The following CADM1 variants were observed in gnomAD, a reference collection of about 807,000 sequenced individuals.
CADM1 encodes TSLC-1.
Under a neutral mutation model 53.1 loss-of-function variants are expected in CADM1, and 15 were observed. The ratio of observed to expected loss-of-function variants is 0.28; its 90% confidence interval spans 0.19 to 0.44. The LOEUF (loss-of-function observed/expected upper bound fraction) is 0.44, where lower values mean the gene tolerates loss of function less well. Among genes scored for constraint, CADM1 ranks in the 20% least tolerant of loss-of-function variants. The pLI is 1.00. For synonymous variants in CADM1, 281 were observed against 243.0 expected, an observed-to-expected ratio of 1.16 and a Z score of -1.45; for missense variants, 434 against 611.3, an observed-to-expected ratio of 0.71 and a Z score of 3.06.
At chr11:115,362,935 A>C (rs181561217) in intron 1 of CADM1, among the ~76,000 whole-genome samples, 1 of 152,186 alleles carries the variant, frequency 6.6e-6, no homozygotes, top group African/African-American at 2.4e-5. Context: ...TTCAATAGTC[A>C]AGCTCCTACT....
intron 1 of CADM1, among the ~76,000 whole-genome samples, chr11:115,271,110 G>T (rs1251426954): frequency 6.6e-6 from 1 of 152,124 alleles, no homozygotes; most frequent in Non-Finnish European, 1.5e-5. Context: ...CACTCTCCTG[G>T]ATTAAACATC....
At chr11:115,485,540 G>A (rs1414125032) in intron 1 of CADM1, among the ~76,000 whole-genome samples, 1 of 152,138 alleles carries the variant, frequency 6.6e-6, no homozygotes, top group Admixed American at 6.5e-5. Context: ...TGAATCATGG[G>A]GGCGGTTTCC....
chr11:115,191,948 A>G lies in CADM1; in HGVS notation c.1112-1007T>C, dbSNP rs150997890. 3.8e-3 allele frequency among the ~76,000 whole-genome samples: 582 copies of G among 152,302 alleles called. 3 individuals are homozygous for G. Among genetic ancestry groups the G allele is most frequent in the African/African-American group, 0.013 (547 of 41,574 alleles). ...TAATAAACTGCAAGGTCTTTGGAGAAGCAAGTTGTGTTTATTTTTGCATCT... is the reference window on the plus strand; with the variant it reads ...TAATAAACTGCAAGGTCTTTGGAGAGGCAAGTTGTGTTTATTTTTGCATCT... On this transcript the variant is annotated intron_variant, in intron 9 of 11. Transcript: ENST00000331581.
rs748514117 is a variant in CADM1 at position 115,231,373 on chromosome 11, T to C, written c.542A>G (p.Lys181Arg). 37 of 1,614,068 alleles carry C rather than the reference T, an allele frequency of 2.3e-5. No homozygotes were observed. The highest frequency in any genetic ancestry group is 3.0e-5 in the Non-Finnish European group (35 of 1,180,006). The change falls in exon 4 of 12, where the codon AAA (lysine) becomes AGA (arginine). Residue 181 changes from lysine to arginine, a missense_variant. Around this residue, in one of 4 missense-constraint regions of CADM1, gnomAD observed 311 missense variants for 435.1 expected, o/e 0.71. Coordinates refer to ENST00000331581, the MANE Select transcript of CADM1 (RefSeq NM_001301043.2). ...CTTACCTTTTAGCTCTGTGTTCCCT[T>C]TGAACCACCTGATAGTCGTGGCTGG... ...SKPATTIRWF[K>R]GNTELKGKSE...
chr11:115,298,891 C>A (rs1484131686), intron 1 of CADM1, among the ~76,000 whole-genome samples: 1 of 152,130 alleles, frequency 6.6e-6, no homozygotes, highest in East Asian at 1.9e-4. Flanking sequence ...GCCCTTTGCA[C>A]CACCACTTGA....
At chr11:115,479,071 G>T (rs553999989) in intron 1 of CADM1, among the ~76,000 whole-genome samples, 39 of 152,164 alleles carry the variant, frequency 2.6e-4, no homozygotes, top group African/African-American at 8.9e-4. Flanking sequence ...TACAATAAAC[G>T]TATAAAAAAT....
intron 1 of CADM1, among the ~76,000 whole-genome samples, chr11:115,486,556 G>A (rs553432316): frequency 7.9e-4 from 120 of 151,942 alleles, no homozygotes; most frequent in Non-Finnish European, 1.0e-3. Flanking sequence ...TGTTGCCCAG[G>A]CTGGTCTCAA....
intron 1 of CADM1, among the ~76,000 whole-genome samples, chr11:115,496,565 TTGAATC>T (rs1298609030): frequency 2.6e-5 from 4 of 152,068 alleles, no homozygotes; most frequent in African/African-American, 9.7e-5. Context: ...AGTGTGGAGT[TTGAATC>T]TGATGCAAGA....
chr11:115,454,652 G>T (rs1405107043), intron 1 of CADM1, among the ~76,000 whole-genome samples: 2 of 152,060 alleles, frequency 1.3e-5, no homozygotes, highest in African/African-American at 4.8e-5. Flanking sequence ...AAACCAAATG[G>T]ACTTAACATA....
intron 1 of CADM1, among the ~76,000 whole-genome samples, chr11:115,357,384 C>T (rs894773959): frequency 6.6e-6 from 1 of 152,084 alleles, no homozygotes; most frequent in Non-Finnish European, 1.5e-5. Context: ...TACTGAAGTT[C>T]CCATTGTGTT....
chr11:115,369,015 GA>G (rs1027035004), intron 1 of CADM1, among the ~76,000 whole-genome samples: 1 of 22,314 alleles, frequency 4.5e-5, no homozygotes, highest in Non-Finnish European at 1.4e-4. Flanking sequence ...CTAGCAGAGT[GA>G]AAAAAAATCT....
chr11:115,208,990 C>T (rs1040044268), intron 8 of CADM1, among the ~76,000 whole-genome samples: 2 of 152,130 alleles, frequency 1.3e-5, no homozygotes, highest in Non-Finnish European at 2.9e-5. Context: ...AATATGTGAC[C>T]GAGGGCAGGG....
chr11:115,244,065 C>T (rs1229407457), intron 1 of CADM1, among the ~76,000 whole-genome samples: 2 of 152,196 alleles, frequency 1.3e-5, no homozygotes, highest in Non-Finnish European at 2.9e-5. Context: ...TATAACTCCC[C>T]GATTTGCCAG....
rs972887674 is a variant in CADM1 at position 115,169,984 on chromosome 11, T to G, written c.*6490A>C. 8 of 191,744 alleles carry G rather than the reference T, an allele frequency of 4.2e-5. No homozygotes were observed. Among genetic ancestry groups the G allele is most frequent in the Non-Finnish European group, 6.6e-5 (6 of 91,152 alleles). The allele number at this position is 191,744 out of a possible 1,614,324, so 11.9% of individuals were successfully genotyped here. The stretch of plus-strand genomic sequence containing the variant: ...GACTGAAATATCAATTACGGATCAA[T>G]TTTCCCCCTAAGTAAACACTAATGC... On this transcript the variant is annotated 3_prime_UTR_variant, in exon 12 of 12. Coordinates refer to ENST00000331581, the MANE Select transcript of CADM1 (RefSeq NM_001301043.2).
intron 1 of CADM1, among the ~76,000 whole-genome samples, chr11:115,425,975 A>G (rs1414781182): frequency 6.6e-6 from 1 of 152,198 alleles, no homozygotes; most frequent in Non-Finnish European, 1.5e-5. Context: ...CCCATCTGTC[A>G]GCCAAACAAA....
At chr11:115,281,791 A>G (rs1193861555) in intron 1 of CADM1, among the ~76,000 whole-genome samples, 2 of 152,228 alleles carry the variant, frequency 1.3e-5, no homozygotes, top group Non-Finnish European at 1.5e-5. Context: ...AATAAAAAGA[A>G]TGTACTTTTC....
chr11:115,378,249 C>G (rs1168307286), intron 1 of CADM1, among the ~76,000 whole-genome samples: 1 of 152,148 alleles, frequency 6.6e-6, no homozygotes, highest in Non-Finnish European at 1.5e-5. Flanking sequence ...ATCCTCAGGA[C>G]TAACAGATCA....
intron 1 of CADM1, among the ~76,000 whole-genome samples, chr11:115,250,912 T>A (rs1209688987): frequency 6.6e-6 from 1 of 152,196 alleles, no homozygotes; most frequent in Non-Finnish European, 1.5e-5. Context: ...ACTATATTAA[T>A]AAGGTAGCTG....
intron 1 of CADM1, among the ~76,000 whole-genome samples, chr11:115,424,854 C>A (rs957166693): frequency 6.6e-6 from 1 of 151,982 alleles, no homozygotes; most frequent in African/African-American, 2.4e-5. Context: ...TATATACAAA[C>A]AACAACAACA....
Sources: allele counts gnomAD v4.1 joint callset (sites outside exome capture counted in the v4.1 genomes callset), GRCh38; gene constraint gnomAD v4.1.1; regional missense constraint gnomAD v4.1.1; transcripts MANE v1.5; gene names NCBI Gene and HGNC (gene_info 2026-07-23, HGNC 2026-07-21).